The following FOXP2 variants were observed in gnomAD, a reference collection of about 807,000 sequenced individuals.
FOXP2 encodes the protein forkhead box P2, also known as forkhead box protein P2.
Under a neutral mutation model 115.8 loss-of-function variants are expected in FOXP2, and 12 were observed. The observed-to-expected ratio is 0.10, with a 90% CI of 0.07 to 0.17. The LOEUF (loss-of-function observed/expected upper bound fraction) is 0.17. FOXP2 is among the 10% of genes least tolerant of loss of function. The pLI is 1.00. For synonymous variants in FOXP2, 328 were observed against 297.7 expected (o/e 1.10, Z -1.05); for missense variants, 629 against 843.5 (o/e 0.75, Z 3.15).
At chr7:114,364,710 A>C (rs1427108304) in intron 2 of FOXP2, among the ~76,000 whole-genome samples, 1 of 152,172 alleles carries the variant, frequency 6.6e-6, no homozygotes, top group East Asian at 1.9e-4. Context: ...ATGGATTTGC[A>C]GTAGGCTCAT....
chr7:114,303,617 GTGTTCTTAATC>G (rs1796929334), intron 2 of FOXP2, among the ~76,000 whole-genome samples: 1 of 151,910 alleles, frequency 6.6e-6, no homozygotes, highest in Middle Eastern at 3.2e-3. Flanking sequence ...TACTCCTTCT[GTGTTCTTAATC>G]TGCTCACCAT....
chr7:114,132,108 C>A (rs1344137626), intron 1 of FOXP2, among the ~76,000 whole-genome samples: 3 of 152,076 alleles, frequency 2.0e-5, no homozygotes, highest in African/African-American at 4.8e-5. Flanking sequence ...CTCATCCTTG[C>A]TTTCCTTAAA....
At chr7:114,354,378 C>A (rs1055768680) in intron 2 of FOXP2, among the ~76,000 whole-genome samples, 6 of 152,072 alleles carry the variant, frequency 3.9e-5, no homozygotes, top group Non-Finnish European at 7.4e-5. Context: ...CACACATACT[C>A]ATATATATGT....
intron 3 of FOXP2, among the ~76,000 whole-genome samples, chr7:114,584,366 T>G (rs1802021673): frequency 6.6e-6 from 1 of 152,164 alleles, no homozygotes; most frequent in Non-Finnish European, 1.5e-5. Flanking sequence ...CTCCATCCAC[T>G]GCAAACAAGC....
intron 2 of FOXP2, among the ~76,000 whole-genome samples, chr7:114,293,763 A>G (rs1796668610): frequency 1.3e-5 from 2 of 152,152 alleles, no homozygotes; most frequent in African/African-American, 4.8e-5. Flanking sequence ...TTCTGCCACT[A>G]TTGTAAGTTT....
At chr7:114,324,794 C>T (rs1797516511) in intron 2 of FOXP2, among the ~76,000 whole-genome samples, 1 of 151,836 alleles carries the variant, frequency 6.6e-6, no homozygotes, top group Non-Finnish European at 1.5e-5. Context: ...TGCTGTTTAT[C>T]AGTGCTAGTA....
At chr7:114,459,398 C>G (rs1398673671) in intron 2 of FOXP2, among the ~76,000 whole-genome samples, 1 of 152,130 alleles carries the variant, frequency 6.6e-6, no homozygotes, top group Non-Finnish European at 1.5e-5. Context: ...AATAAGAAAA[C>G]AGAAAGGTTA....
chr7:114,470,019 A>T (rs1037499565), intron 2 of FOXP2, among the ~76,000 whole-genome samples: 1 of 152,198 alleles, frequency 6.6e-6, no homozygotes. Context: ...CTAGGAGTTT[A>T]TAGGTAAAAT....
rs545329870 is a variant in FOXP2 at position 114,594,661 on chromosome 7, C to A, written c.259-33879C>A. Among the ~76,000 whole-genome samples, 3 of 152,106 alleles carry A rather than the reference C, an allele frequency of 2.0e-5. No individual in the cohort carries two copies. The South Asian group carries it at 6.2e-4, about 32-fold the overall frequency. Reference sequence around the variant, plus strand: ...GAGCAAAACTTGGTTTTCAGTGTTTCATTGGAAGCTTCTGAAAGGTGGCAG... The same window carrying A: ...GAGCAAAACTTGGTTTTCAGTGTTTAATTGGAAGCTTCTGAAAGGTGGCAG... On this transcript the variant is annotated intron_variant, in intron 3 of 16. Coordinates refer to ENST00000350908, the MANE Select transcript of FOXP2 (RefSeq NM_014491.4).
At position 114,466,580 on chromosome 7, in the gene FOXP2, T is replaced by C. The variant is rs1309235343; in HGVS notation, c.168+39901T>C. 2.0e-5 allele frequency among the ~76,000 whole-genome samples: 3 copies of C among 152,204 alleles called. No individual in the cohort carries two copies. In the East Asian group the frequency reaches 5.8e-4, roughly 29 times the overall value. Reference sequence around the variant, plus strand: ...AACTTTCCTGATGCCAGTCTTGATGTAGTAGATGAATTTACTGATTTCTCC... The same window carrying C: ...AACTTTCCTGATGCCAGTCTTGATGCAGTAGATGAATTTACTGATTTCTCC... On this transcript the variant is annotated intron_variant, in intron 2 of 16. Coordinates refer to ENST00000350908, the MANE Select transcript of FOXP2 (RefSeq NM_014491.4).
upstream of FOXP2, among the ~76,000 whole-genome samples, chr7:114,411,225 A>G (rs560657317): frequency 7.6e-4 from 116 of 152,204 alleles, no homozygotes; most frequent in Non-Finnish European, 1.5e-3. Context: ...GATTACTGTA[A>G]TGGTATGTGA....
chr7:114,439,544 CTTATTTATTTAT>C (rs547497847), intron 2 of FOXP2, among the ~76,000 whole-genome samples: 2 of 151,646 alleles, frequency 1.3e-5, no homozygotes, highest in African/African-American at 2.4e-5. Flanking sequence ...TGTAAATTAT[CTTATTTATTTAT>C]TTATTTATTT....
chr7:114,248,390 A>G (rs1301524440), intron 1 of FOXP2, among the ~76,000 whole-genome samples: 1 of 152,190 alleles, frequency 6.6e-6, no homozygotes, highest in Non-Finnish European at 1.5e-5. Flanking sequence ...TTAACCAAGT[A>G]TCTGGGCACC....
intron 3 of FOXP2, among the ~76,000 whole-genome samples, chr7:114,573,341 T>C (rs1801413646): frequency 6.6e-6 from 1 of 151,822 alleles, no homozygotes; most frequent in Admixed American, 6.6e-5. Context: ...ACTATATTAT[T>C]CATAATTGAC....
At chr7:114,446,526 T>C (rs1014454392) in intron 2 of FOXP2, among the ~76,000 whole-genome samples, 1 of 151,932 alleles carries the variant, frequency 6.6e-6, no homozygotes, top group African/African-American at 2.4e-5. Context: ...AAAACTGAGA[T>C]CATACTTTTT....
At chr7:114,373,622 T>C (rs778992441) in intron 2 of FOXP2, among the ~76,000 whole-genome samples, 1 of 152,204 alleles carries the variant, frequency 6.6e-6, no homozygotes, top group Non-Finnish European at 1.5e-5. Context: ...TCTGGTATGC[T>C]CCAATCAATA....
intron 2 of FOXP2, among the ~76,000 whole-genome samples, chr7:114,377,054 A>G (rs1792157449): frequency 6.6e-6 from 1 of 152,196 alleles, no homozygotes; most frequent in Non-Finnish European, 1.5e-5. Flanking sequence ...CCCAATAATC[A>G]TCACCTATTG....
At chr7:114,349,567 A>G (rs1018676045) in intron 2 of FOXP2, among the ~76,000 whole-genome samples, 1 of 152,098 alleles carries the variant, frequency 6.6e-6, no homozygotes, top group African/African-American at 2.4e-5. Context: ...AAAATATCCT[A>G]AAACTGTTTC....
chr7:114,613,779 G>A (rs565570315), intron 3 of FOXP2: 2 of 148,584 alleles, frequency 1.3e-5, no homozygotes, highest in African/African-American at 5.0e-5. Flanking sequence ...TTTTTAAAAT[G>A]TTTTTAAGAC....
Sources: gnomAD v4.1 joint callset for allele counts (sites outside exome capture counted in the v4.1 genomes callset) on GRCh38, gnomAD v4.1.1 for gene constraint, MANE v1.5 for transcripts, NCBI Gene and HGNC (gene_info 2026-07-23, HGNC 2026-07-21) for gene names.